The following KRT6A variants were observed in gnomAD, a reference collection of about 807,000 sequenced individuals.
KRT6A encodes the protein keratin 6A.
A neutral mutation model predicts 48.6 loss-of-function variants in KRT6A; 28 were observed. The observed-to-expected ratio is 0.58, with a 90% confidence interval of 0.43 to 0.79. The LOEUF is 0.79. KRT6A is among the 30% of genes least tolerant of loss of function. The pLI is 0.00. For synonymous variants in KRT6A, 301 were observed against 294.2 expected (o/e 1.02, Z -0.24); for missense variants, 687 against 724.3 (o/e 0.95, Z 0.59).
In KRT6A at chr12:52,491,112, C is replaced by T. The variant is rs780833562; in HGVS notation, c.816G>A (p.Lys272=). 6.8e-5 allele frequency: 110 copies of T among 1,613,856 alleles called. No homozygotes were observed. In the Admixed American group the frequency reaches 1.8e-3, roughly 26 times the overall value. ...AAENEFVTLK[K]DVDAAYMNKV... ...TGAACCCCCGGCTTCATCTGCTCAC[C>T]TTCTTCAGAGTCACAAATTCATTCT... The change falls in exon 3 of 9, where the codon AAG becomes AAA. Residue 272 remains lysine (K), a splice_region_variant and synonymous_variant. Transcript: ENST00000330722.
At position 52,493,192 on chromosome 12, in the gene KRT6A, T is replaced by G; in HGVS notation, c.-4A>C. 1 of 1,614,060 alleles carries G rather than the reference T, an allele frequency of 6.2e-7. No individual in the cohort carries two copies. Among genetic ancestry groups the G allele is most frequent in the Non-Finnish European group, 8.5e-7 (1 of 1,180,014 alleles). ...TGGTGGTGGATGTGCTGGCCATGGTTCCAGGAGATGAGAGAGCTGAGGAGA... is the reference window on the plus strand; with the variant it reads ...TGGTGGTGGATGTGCTGGCCATGGTGCCAGGAGATGAGAGAGCTGAGGAGA... On this transcript the variant is annotated 5_prime_UTR_variant, in exon 1 of 9. Coordinates refer to ENST00000330722, the MANE Select transcript of KRT6A (RefSeq NM_005554.4).
rs1053703 is a variant in KRT6A at position 52,488,393 on chromosome 12, A to G, written c.1359T>C (p.Asn453=). Residue 453 remains asparagine (N), a synonymous_variant, in exon 7 of 9, where the codon AAT becomes AAC. Coordinates refer to ENST00000330722, the MANE Select transcript of KRT6A (RefSeq NM_005554.4). ...TCTCCACGTCCAGGGCCAGCTTGACATTCATCAGCTCCTGGTACTCCTTCA... is the reference window on the plus strand; with the variant it reads ...TCTCCACGTCCAGGGCCAGCTTGACGTTCATCAGCTCCTGGTACTCCTTCA... ...RLLKEYQELM[N]VKLALDVEIA... is the part of the protein sequence containing the mutation. The G allele has an allele frequency of 1.4e-5, 22 of 1,613,974 alleles. No homozygotes were observed. Among genetic ancestry groups the G allele is most frequent in the Non-Finnish European group, 1.9e-5 (22 of 1,180,042 alleles).
rs201247663 is a variant in KRT6A, at chr12:52,490,122, C to A, written c.1078-54G>T. 4.3e-6 allele frequency: 7 copies of A among 1,611,718 alleles called. No homozygotes were observed. In the East Asian group the frequency reaches 1.3e-4, roughly 31 times the overall value. The stretch of plus-strand genomic sequence containing the variant: ...GTGTCTACGGGTTCTTACCTGGGAG[C>A]GATGACTTTCACTTGTGTATCATGC... On this transcript the variant is annotated intron_variant, in intron 5 of 8. Transcript: ENST00000330722.
rs1359410663 is a variant in KRT6A, at chr12:52,488,557, G to C, written c.1204-9C>G. On this transcript the variant is annotated splice_polypyrimidine_tract_variant and intron_variant, in intron 6 of 8. Coordinates refer to ENST00000330722, the MANE Select transcript of KRT6A (RefSeq NM_005554.4). The stretch of plus-strand genomic sequence containing the variant: ...GCCTGCAGGTTGGCGCACTGGAAGA[G>C]GAAAGGAATAGAAGAAACTTGTCAT... 2 of 1,614,180 alleles carry C rather than the reference G, an allele frequency of 1.2e-6. No individual in the cohort carries two copies. The highest frequency in any genetic ancestry group is 1.3e-5 in the African/African-American group (1 of 75,042).
Position 52,492,714 on chromosome 12 carries a change from C to A in KRT6A, c.475G>T (p.Val159Leu), listed in dbSNP as rs756872577. The A allele has an allele frequency of 6.2e-7, 1 of 1,614,038 alleles. No individual in the cohort carries two copies. The highest frequency in any genetic ancestry group is 8.5e-7 in the Non-Finnish European group (1 of 1,179,964). ...NLQIDPTIQR[V>L]RAEEREQIKT... The stretch of plus-strand genomic sequence containing the variant: ...ATCTGTTCACGCTCCTCAGCCCGCA[C>A]CCGCTGGATGGTGGGATCGATTTGC... Residue 159 changes from valine (V) to leucine (L), a missense_variant, in exon 1 of 9, where the codon GTG becomes TTG. Val to Leu is a conservative substitution (Grantham distance 32). Around this residue, in one of 3 missense-constraint regions of KRT6A, gnomAD observed 566 missense variants for 565.3 expected, o/e 1.00. Coordinates refer to ENST00000330722, the MANE Select transcript of KRT6A (RefSeq NM_005554.4).
At chr12:52,488,625 G>GTGA in intron 6 of KRT6A, 77 bp from the exon 7 acceptor site, 1 of 1,130,136 alleles carries the variant, frequency 8.8e-7, no homozygotes, top group Non-Finnish European at 1.2e-6. Context: ...TTATTTCCTA[G>GTGA]TGAAGGGGCC....
Position 52,488,508 on chromosome 12 carries a change from C to G in KRT6A, c.1244G>C (p.Arg415Pro). 6.2e-7 allele frequency: 1 copy of G among 1,614,136 alleles called. No individual in the cohort carries two copies. The highest frequency in any genetic ancestry group is 8.5e-7 in the Non-Finnish European group (1 of 1,180,016). The stretch of plus-strand genomic sequence containing the variant: ...GGCATCCTTGAGGGCCATCTCCCCA[C>G]GCTGCTCAGCATCAGCAATGGCGGC... ...LQAAIADAEQ[R>P]GEMALKDAKN... The change falls in exon 7 of 9, where the codon CGT becomes CCT. Residue 415 changes from arginine (R) to proline (P), a missense_variant. Physicochemically the swap from Arg to Pro is moderately radical, Grantham distance 103. Transcript: ENST00000330722.
At chr12:52,492,450 G>A (rs1483359656) in intron 1 of KRT6A, among the ~76,000 whole-genome samples, 199 bp downstream of exon 1, 1 of 152,204 alleles carries the variant, frequency 6.6e-6, no homozygotes, top group Admixed American at 6.5e-5. Context: ...CTAGGCAGGA[G>A]TGAGGGCCAC....
At position 52,493,091 on chromosome 12, in the gene KRT6A, A is replaced by G. The variant is rs1223422051; in HGVS notation, c.98T>C (p.Phe33Ser). 5 of 1,613,778 alleles carry G rather than the reference A, an allele frequency of 3.1e-6. No individual in the cohort carries two copies. Among genetic ancestry groups the G allele is most frequent in the East Asian group, 4.5e-5 (2 of 44,890 alleles). ...GGAGCGGGACACGGAGACGCTGCTGAAGCCAGAGCGGCTGACCCCAGGGAG... is the reference window on the plus strand; with the variant it reads ...GGAGCGGGACACGGAGACGCTGCTGGAGCCAGAGCGGCTGACCCCAGGGAG... ...ARLPGVSRSG[F>S]SSVSVSRSRG... is the part of the protein sequence containing the mutation. Residue 33 changes from phenylalanine (F) to serine (S), a missense_variant, in exon 1 of 9, where the codon TTC (phenylalanine) becomes TCC (serine). Coordinates refer to ENST00000330722, the MANE Select transcript of KRT6A (RefSeq NM_005554.4).
chr12:52,492,167 A>C (rs1938279206), intron 1 of KRT6A, among the ~76,000 whole-genome samples: 1 of 152,212 alleles, frequency 6.6e-6, no homozygotes. Context: ...TCTCCTCTAA[A>C]ACATCCTGAT....
At chr12:52,491,041 C>A in intron 3 of KRT6A, 71 bp downstream of exon 3, 1 of 1,613,926 alleles carries the variant, frequency 6.2e-7, no homozygotes, top group South Asian at 1.1e-5. Flanking sequence ...TCTCCTCTCC[C>A]AGGGGAGCGA....
intron 6 of KRT6A, 48 bp from the exon 7 acceptor site, chr12:52,488,596 G>A (rs752631474): frequency 1.1e-5 from 18 of 1,599,080 alleles, no homozygotes; most frequent in Non-Finnish European, 1.5e-5. Context: ...GTCTTCCAGA[G>A]GAGACTAAAC....
chr12:52,489,380 G>A (rs1383412600), intron 6 of KRT6A, among the ~76,000 whole-genome samples: 1 of 152,156 alleles, frequency 6.6e-6, no homozygotes, highest in African/African-American at 2.4e-5. Context: ...CCAGGCTCAA[G>A]CGATTCTCCT....
At position 52,487,499 on chromosome 12, in the gene KRT6A, C is replaced by A. The variant is rs910822490; in HGVS notation, c.*221G>T. ...AACAGTGAAGCTCCAGTGGTGATTACATCATGATGTAAAATCAGAGGTTGA... is the reference window on the plus strand; with the variant it reads ...AACAGTGAAGCTCCAGTGGTGATTAAATCATGATGTAAAATCAGAGGTTGA... On this transcript the variant is annotated 3_prime_UTR_variant, in exon 9 of 9. Coordinates refer to ENST00000330722, the MANE Select transcript of KRT6A (RefSeq NM_005554.4). 2 of 613,288 alleles carry A rather than the reference C, an allele frequency of 3.3e-6. No homozygotes were observed. The highest frequency in any genetic ancestry group is 5.5e-5 in the East Asian group (2 of 36,076). 38.0% of individuals were successfully genotyped at this position (613,288 alleles called of 1,614,324 possible).
chr12:52,492,784 G>A lies in KRT6A; in HGVS notation c.405C>T (p.Ile135=). The change falls in exon 1 of 9, where the codon ATC becomes ATT. Residue 135 remains isoleucine, a synonymous_variant. Coordinates refer to ENST00000330722, the MANE Select transcript of KRT6A (RefSeq NM_005554.4). ...PGFPVCPPGG[I]QEVTVNQSLL... Reference sequence around the variant, plus strand: ...GACTCTGGTTGACGGTGACCTCTTGGATGCCTCCAGGGGGGCACACAGGGA... The same window carrying A: ...GACTCTGGTTGACGGTGACCTCTTGAATGCCTCCAGGGGGGCACACAGGGA... 6.2e-7 allele frequency: 1 copy of A among 1,613,520 alleles called. No individual in the cohort carries two copies. Among genetic ancestry groups the A allele is most frequent in the Non-Finnish European group, 8.5e-7 (1 of 1,179,860 alleles).
chr12:52,488,456 A>G lies in KRT6A; in HGVS notation c.1296T>C (p.Asp432=), dbSNP rs756425548. The change falls in exon 7 of 9, where the codon GAT becomes GAC. Residue 432 remains aspartate, a synonymous_variant. Transcript: ENST00000330722. ...GGTCCTGCTTGGCCTTCTGCAGGGC[A>G]TCCTCCAGCCCTTCCAGCTTGTTCT... The part of the protein sequence containing the change: ...DAKNKLEGLE[D]ALQKAKQDLA... The G allele has an allele frequency of 1.2e-6, 2 of 1,614,118 alleles. No individual in the cohort carries two copies. Among genetic ancestry groups the G allele is most frequent in the Non-Finnish European group, 1.7e-6 (2 of 1,180,022 alleles).
chr12:52,491,810 C>G (rs1565586861), intron 1 of KRT6A, 74 bp from the exon 2 acceptor site: 1 of 1,582,670 alleles, frequency 6.3e-7, no homozygotes, highest in Non-Finnish European at 8.6e-7. Context: ...GGTTTCCTGG[C>G]AGGTCCGGGA....
At chr12:52,491,852 T>C in intron 1 of KRT6A, 116 bp from the exon 2 acceptor site, 1 of 1,342,054 alleles carries the variant, frequency 7.5e-7, no homozygotes, top group Non-Finnish European at 1.0e-6. Flanking sequence ...CTACAGTGCA[T>C]GTAGAGAGGC....
In KRT6A at chr12:52,490,935, T is replaced by A; in HGVS notation, c.835A>T (p.Met279Leu). The change falls in exon 4 of 9, where the codon ATG becomes TTG. Residue 279 changes from methionine to leucine, a missense_variant. Met to Leu is a conservative substitution (Grantham distance 15, BLOSUM62 2). This residue lies in a region of KRT6A where 566 missense variants were observed against 565.3 expected (regional missense o/e 1.00). Transcript: ENST00000330722. ...TTGGCTTGCAGTTCAACCTTGTTCA[T>A]GTAGGCAGCATCCACATCCTGGGGA... ...TLKKDVDAAY[M>L]NKVELQAKAD... The A allele has an allele frequency of 6.2e-7, 1 of 1,613,984 alleles. No homozygotes were observed.
Sources: allele counts gnomAD v4.1 joint callset (sites outside exome capture counted in the v4.1 genomes callset), GRCh38; gene constraint gnomAD v4.1.1; regional missense constraint gnomAD v4.1.1; transcripts MANE v1.5; gene names NCBI Gene and HGNC (gene_info 2026-07-23, HGNC 2026-07-21).